PECAM1: variants seen among roughly 807,000 people sequenced by gnomAD.
PECAM1 encodes platelet endothelial cell adhesion molecule.
In PECAM1, 8 loss-of-function variants were observed where a neutral mutation model predicts 13.8. That is an observed-to-expected ratio of 0.58 (90% CI 0.34 to 1.05). The LOEUF is 1.05. Among genes scored for constraint, PECAM1 ranks in the 50% least tolerant of loss-of-function variants. PECAM1 has a pLI of 0.03. For missense variants in PECAM1, 304 were observed against 141.2 expected, an observed-to-expected ratio of 2.15 and a Z score of -5.84; for synonymous variants, 136 against 52.6, an observed-to-expected ratio of 2.58 and a Z score of -6.86.
chr17:64,325,256 C>T (rs1368103935), intron 15 of PECAM1, among the ~76,000 whole-genome samples: 2 of 151,980 alleles, frequency 1.3e-5, no homozygotes, highest in East Asian at 1.9e-4. Context: ...GGCGTGGTGG[C>T]GTGTGCCTGT....
At chr17:64,341,095 T>C (rs2035416729) in intron 14 of PECAM1, among the ~76,000 whole-genome samples, 1 of 54,396 alleles carries the variant, frequency 1.8e-5, no homozygotes, top group African/African-American at 1.2e-4. Context: ...AAACTCTGTC[T>C]CAAAAAAAAA....
In PECAM1 at chr17:64,375,159, C is replaced by T. The variant is rs1031213164; in HGVS notation, c.583G>A (p.Val195Ile). ...DQNFVILEFP[V>I]EEQDRVLSFR... Reference sequence around the variant, plus strand: ...GATAAAACGCGGTCCTGTTCCTCAACGGGGAATTCCAGTATCACAAAATTC... The same window carrying T: ...GATAAAACGCGGTCCTGTTCCTCAATGGGGAATTCCAGTATCACAAAATTC... The change falls in exon 4 of 16, where the codon GTT (valine) becomes ATT (isoleucine). Residue 195 changes from valine to isoleucine, a missense_variant. By Grantham distance (29) the Val-to-Ile change is conservative (BLOSUM62 3). Transcript: ENST00000563924. 1.2e-4 allele frequency: 55 copies of T among 475,278 alleles called. No individual in the cohort carries two copies. The highest frequency in any genetic ancestry group is 1.3e-4 in the South Asian group (2 of 14,886). 29.4% of individuals were successfully genotyped at this position (475,278 alleles called of 1,614,324 possible).
At chr17:64,348,754 TATTA>T (rs2035643525) in intron 12 of PECAM1, among the ~76,000 whole-genome samples, 1 of 152,082 alleles carries the variant, frequency 6.6e-6, no homozygotes. Context: ...TCATTCAGGT[TATTA>T]AAGTATTCTG....
At chr17:64,349,285 T>C (rs2035655986) in intron 12 of PECAM1, among the ~76,000 whole-genome samples, 1 of 152,198 alleles carries the variant, frequency 6.6e-6, no homozygotes, top group Admixed American at 6.6e-5. Context: ...ACAATGATTC[T>C]GCAGTCAAAG....
intron 5 of PECAM1, among the ~76,000 whole-genome samples, chr17:64,367,712 C>T (rs2036142991): frequency 6.6e-6 from 1 of 152,086 alleles, no homozygotes; most frequent in African/African-American, 2.4e-5. Flanking sequence ...CTAGTTATGT[C>T]TATGAATTCT....
At chr17:64,371,450 C>A (rs2143851915) in intron 4 of PECAM1, among the ~76,000 whole-genome samples, 1 of 151,920 alleles carries the variant, frequency 6.6e-6, no homozygotes, top group East Asian at 1.9e-4. Context: ...GGCAGGAGAA[C>A]TGCCTGAGCT....
chr17:64,360,528 T>C (rs2035948114), intron 6 of PECAM1, 113 bp from the exon 7 acceptor site: 1 of 406,040 alleles, frequency 2.5e-6, no homozygotes, highest in African/African-American at 2.0e-5. Context: ...TGCTGTAATT[T>C]CAAATGCCTG....
rs1192673170 is a variant in PECAM1 at position 64,319,733 on chromosome 17, A to G, written c.*4083T>C. ...CAGTCGTGCGTTCCCAGAGGAAGGT[A>G]GGTCATATACTGGTTAAATTCCGCC... is the stretch of plus-strand genomic sequence containing the variant. On this transcript the variant is annotated 3_prime_UTR_variant, in exon 16 of 16. Coordinates refer to ENST00000563924, the MANE Select transcript of PECAM1 (RefSeq NM_000442.5). 6.6e-6 allele frequency: 1 copy of G among 152,118 alleles called. No homozygotes were observed. The highest frequency in any genetic ancestry group is 1.5e-5 in the Non-Finnish European group (1 of 68,048). The allele number at this position is 152,118 out of a possible 1,614,324, so 9.4% of individuals were successfully genotyped here. A position where few individuals can be genotyped will look rare whatever the true frequency, so the allele number is the denominator to read the frequency against.
rs980894957 is a variant in PECAM1 at position 64,375,240 on chromosome 17, G to A, written c.502C>T (p.Leu168Phe). The change falls in exon 4 of 16, where the codon CTT (leucine) becomes TTT (phenylalanine). Residue 168 changes from leucine to phenylalanine, a missense_variant. Coordinates refer to ENST00000563924, the MANE Select transcript of PECAM1 (RefSeq NM_000442.5). Reference sequence around the variant, plus strand: ...TTGACCATTTTTTCATTTAGTTCAAGTTTTTCAATTGTGAAGTGTATTGGG... The same window carrying A: ...TTGACCATTTTTTCATTTAGTTCAAATTTTTCAATTGTGAAGTGTATTGGG... ...KAPIHFTIEK[L>F]ELNEKMVKLK... The A allele has an allele frequency of 3.1e-4, 147 of 475,342 alleles. No homozygotes were observed. Among genetic ancestry groups the A allele is most frequent in the African/African-American group, 2.4e-3 (121 of 50,614 alleles). 29.4% of individuals were successfully genotyped at this position (475,342 alleles called of 1,614,324 possible). A position where few individuals can be genotyped will look rare whatever the true frequency, so the allele number is the denominator to read the frequency against.
At chr17:64,347,123 C>T (rs2035587399) in intron 13 of PECAM1, among the ~76,000 whole-genome samples, 1 of 152,034 alleles carries the variant, frequency 6.6e-6, no homozygotes, top group East Asian at 1.9e-4. Flanking sequence ...AATCCCAGCA[C>T]TTTGGGAGAC....
chr17:64,386,192 G>A (rs1187448113), intron 2 of PECAM1, among the ~76,000 whole-genome samples: 11 of 152,118 alleles, frequency 7.2e-5, no homozygotes, highest in East Asian at 3.9e-4. Flanking sequence ...ATCACTTAAG[G>A]TCAGGAGTTT....
intron 4 of PECAM1, among the ~76,000 whole-genome samples, chr17:64,374,024 C>T (rs1161295728): frequency 7.2e-5 from 11 of 152,124 alleles, no homozygotes; most frequent in Non-Finnish European, 1.3e-4. Context: ...GTTTGTCCAA[C>T]GCAAATCTAC....
intron 2 of PECAM1, among the ~76,000 whole-genome samples, chr17:64,380,666 C>T (rs2036462965): frequency 6.6e-6 from 1 of 152,156 alleles, no homozygotes; most frequent in South Asian, 2.1e-4. Context: ...TATGTAAAAA[C>T]CTCAAAGAGT....
chr17:64,352,560 A>T, intron 10 of PECAM1, 97 bp from the exon 11 acceptor site: 1 of 402,560 alleles, frequency 2.5e-6, no homozygotes. Flanking sequence ...AGGGAAGATC[A>T]TGAGAAAACC....
chr17:64,322,732 T>C lies in PECAM1; in HGVS notation c.*1084A>G, dbSNP rs2034836074. ...CAAGCAATTTTGTTTTTTGTTTTTT[T>C]TGAGATGGATTCTCACTCTGTCACT... On this transcript the variant is annotated 3_prime_UTR_variant, in exon 16 of 16. Transcript: ENST00000563924. 1.9e-5 allele frequency: 18 copies of C among 963,522 alleles called. No homozygotes were observed. The highest frequency in any genetic ancestry group is 2.2e-5 in the Non-Finnish European group (18 of 809,994). 59.7% of individuals were successfully genotyped at this position (963,522 alleles called of 1,614,324 possible).
intron 2 of PECAM1, among the ~76,000 whole-genome samples, chr17:64,383,502 AG>A (rs1265137996): frequency 6.6e-6 from 1 of 152,074 alleles, no homozygotes; most frequent in Non-Finnish European, 1.5e-5. Context: ...CAAACATTTA[AG>A]GGGGTTTTTC....
Position 64,378,394 on chromosome 17 carries a change from C to T in PECAM1, c.92-277G>A, listed in dbSNP as rs991934567. On this transcript the variant is annotated intron_variant, in intron 2 of 15. Coordinates refer to ENST00000563924, the MANE Select transcript of PECAM1 (RefSeq NM_000442.5). Reference sequence around the variant, plus strand: ...TGGTGGCTCACGCCTATAATCCCAGCACTTTGGGAGACCAAGGTGGGTGGA... The same window carrying T: ...TGGTGGCTCACGCCTATAATCCCAGTACTTTGGGAGACCAAGGTGGGTGGA... 2.4e-4 allele frequency among the ~76,000 whole-genome samples: 36 copies of T among 152,298 alleles called. 3 individuals carry two copies. The highest frequency in any genetic ancestry group is 8.4e-4 in the African/African-American group (35 of 41,578).
intron 14 of PECAM1, among the ~76,000 whole-genome samples, 172 bp downstream of exon 14, chr17:64,341,462 C>T (rs1184026504): frequency 1.3e-5 from 2 of 152,042 alleles, no homozygotes; most frequent in Non-Finnish European, 2.9e-5. Flanking sequence ...AAATGTGACC[C>T]GAGGTGACTT....
At chr17:64,352,192 G>A (rs1329310113) in intron 11 of PECAM1, among the ~76,000 whole-genome samples, 198 bp downstream of exon 11, 1 of 152,172 alleles carries the variant, frequency 6.6e-6, no homozygotes, top group Admixed American at 6.6e-5. Context: ...GGCAAAGTTA[G>A]AATAAAATAT....
Sources: allele counts gnomAD v4.1 joint callset (sites outside exome capture counted in the v4.1 genomes callset), GRCh38; gene constraint gnomAD v4.1.1; transcripts MANE v1.5; gene names NCBI Gene and HGNC (gene_info 2026-07-23, HGNC 2026-07-21).